ZRANB3: variants seen among roughly 807,000 people sequenced by gnomAD.
ZRANB3 encodes the protein DNA annealing helicase and endonuclease ZRANB3.
In ZRANB3, 125 loss-of-function variants were observed where a neutral mutation model predicts 133.8. That is an observed-to-expected ratio of 0.93 (90% confidence interval 0.81 to 1.08). The LOEUF (loss-of-function observed/expected upper bound fraction) is 1.08. Ranked by LOEUF, ZRANB3 falls within the 50% of genes least tolerant of loss-of-function variation. ZRANB3 has a pLI of 0.00. For missense variants in ZRANB3, 1,229 were observed against 1,275.5 expected (o/e 0.96, Z 0.56); for synonymous variants, 387 against 432.7 (o/e 0.89, Z 1.31).
intron 3 of ZRANB3, among the ~76,000 whole-genome samples, chr2:135,376,038 C>T (rs901590938): frequency 4.6e-5 from 7 of 152,126 alleles, no homozygotes; most frequent in Non-Finnish European, 1.0e-4. Flanking sequence ...TTAATTCAAT[C>T]TGACCAGTGT....
intron 1 of ZRANB3, among the ~76,000 whole-genome samples, chr2:135,514,853 GTGT>G (rs1361622058): frequency 6.6e-6 from 1 of 151,992 alleles, no homozygotes; most frequent in Non-Finnish European, 1.5e-5. Context: ...GCATGAAGGG[GTGT>G]TGAATTTTAT....
intron 3 of ZRANB3, among the ~76,000 whole-genome samples, chr2:135,366,469 T>C (rs753462198): frequency 6.6e-6 from 1 of 152,016 alleles, no homozygotes; most frequent in Non-Finnish European, 1.5e-5. Flanking sequence ...CCCTAATGAG[T>C]TGAGTAGTTT....
chr2:135,240,725 C>T (rs1257181154), intron 12 of ZRANB3, among the ~76,000 whole-genome samples: 1 of 152,148 alleles, frequency 6.6e-6, no homozygotes, highest in Non-Finnish European at 1.5e-5. Context: ...ACTGCAGGAG[C>T]ATGCCACCAT....
intron 8 of ZRANB3, among the ~76,000 whole-genome samples, chr2:135,276,242 T>TG (rs1680819352): frequency 6.6e-6 from 1 of 151,674 alleles, no homozygotes; most frequent in Non-Finnish European, 1.5e-5. Context: ...AAGTTTTTTT[T>TG]TTTTTTTTTT....
intron 2 of ZRANB3, among the ~76,000 whole-genome samples, chr2:135,391,534 A>G (rs1687231798): frequency 6.6e-6 from 1 of 152,166 alleles, no homozygotes; most frequent in Non-Finnish European, 1.5e-5. Flanking sequence ...AGTTAAATAC[A>G]TAACTATATA....
chr2:135,384,121 AG>A (rs1369798430), intron 3 of ZRANB3, among the ~76,000 whole-genome samples: 1 of 152,226 alleles, frequency 6.6e-6, no homozygotes, highest in African/African-American at 2.4e-5. Flanking sequence ...AAGAAAAGAG[AG>A]AAGAATCAAA....
At chr2:135,293,596 C>T (rs1384763348) in intron 8 of ZRANB3, among the ~76,000 whole-genome samples, 1 of 152,004 alleles carries the variant, frequency 6.6e-6, no homozygotes, top group Non-Finnish European at 1.5e-5. Context: ...TTTCCTTCTC[C>T]TGCCTCATTG....
chr2:135,428,426 CAAAAAAAA>C (rs34645774), intron 2 of ZRANB3, among the ~76,000 whole-genome samples: 926 of 75,292 alleles, frequency 0.012, 10 homozygotes, highest in South Asian at 0.073. Flanking sequence ...ACTTTGTTTC[CAAAAAAAA>C]AAAAAAAAAA....
At chr2:135,309,387 C>T (rs948268477) in intron 8 of ZRANB3, among the ~76,000 whole-genome samples, 1 of 152,058 alleles carries the variant, frequency 6.6e-6, no homozygotes, top group African/African-American at 2.4e-5. Flanking sequence ...TTGTACTAGT[C>T]TTCCTTCAAC....
At chr2:135,499,568 G>C (rs552626816) in intron 2 of ZRANB3, among the ~76,000 whole-genome samples, 6 of 152,102 alleles carry the variant, frequency 3.9e-5, no homozygotes, top group Non-Finnish European at 8.8e-5. Context: ...TTTAAAAAAA[G>C]ATGTCCAAAT....
chr2:135,233,285 G>A (rs1695120119), intron 12 of ZRANB3, among the ~76,000 whole-genome samples: 1 of 152,124 alleles, frequency 6.6e-6, no homozygotes, highest in Admixed American at 6.6e-5. Flanking sequence ...AAGAAATATG[G>A]GACCATGTGA....
intron 1 of ZRANB3, among the ~76,000 whole-genome samples, chr2:135,507,364 A>ATT (rs1482507824): frequency 6.6e-6 from 1 of 152,208 alleles, no homozygotes; most frequent in Non-Finnish European, 1.5e-5. Flanking sequence ...GAATGGATAC[A>ATT]CACAAGAAAT....
chr2:135,356,757 G>C (rs1248323066), intron 3 of ZRANB3, among the ~76,000 whole-genome samples: 1 of 152,128 alleles, frequency 6.6e-6, no homozygotes, highest in Non-Finnish European at 1.5e-5. Flanking sequence ...GCTGTGGCTG[G>C]AGGGCAGTGG....
intron 3 of ZRANB3, among the ~76,000 whole-genome samples, chr2:135,367,125 T>C (rs1038363811): frequency 6.6e-6 from 1 of 152,202 alleles, no homozygotes; most frequent in Non-Finnish European, 1.5e-5. Flanking sequence ...GCCGTGCAAA[T>C]ATGTGCTAAT....
intron 2 of ZRANB3, among the ~76,000 whole-genome samples, chr2:135,459,729 T>C (rs1258999204): frequency 6.6e-6 from 1 of 152,178 alleles, no homozygotes; most frequent in Non-Finnish European, 1.5e-5. Flanking sequence ...AACAACATAG[T>C]TAACTTTAGA....
At chr2:135,427,586 TG>T (rs1375660837) in intron 2 of ZRANB3, among the ~76,000 whole-genome samples, 1 of 152,240 alleles carries the variant, frequency 6.6e-6, no homozygotes, top group Non-Finnish European at 1.5e-5. Flanking sequence ...TCCATGCTCA[TG>T]AATAGGATGA....
chr2:135,380,466 T>A (rs975684058), intron 3 of ZRANB3, among the ~76,000 whole-genome samples: 2 of 152,192 alleles, frequency 1.3e-5, no homozygotes, highest in African/African-American at 4.8e-5. Flanking sequence ...AAACTGTCTC[T>A]CAGACCACAG....
chr2:135,240,256 T>C (rs1031923011), intron 12 of ZRANB3, among the ~76,000 whole-genome samples: 8 of 152,116 alleles, frequency 5.3e-5, no homozygotes, highest in African/African-American at 9.7e-5. Flanking sequence ...GGAAGGAGGA[T>C]TGCTTGAGTC....
At chr2:135,350,309 A>G in intron 4 of ZRANB3, 94 bp from the exon 5 acceptor site, 1 of 845,892 alleles carries the variant, frequency 1.2e-6, no homozygotes, top group Non-Finnish European at 1.8e-6. Flanking sequence ...AGAGGAGAAG[A>G]AAGAAGAATA....
Sources: gnomAD v4.1 joint callset for allele counts (sites outside exome capture counted in the v4.1 genomes callset) on GRCh38, gnomAD v4.1.1 for gene constraint, MANE v1.5 for transcripts, NCBI Gene and HGNC (gene_info 2026-07-23, HGNC 2026-07-21) for gene names.